The following STK32B variants were observed in gnomAD, a reference collection of about 807,000 sequenced individuals.
STK32B encodes the protein serine/threonine kinase 32B, also known as serine/threonine-protein kinase 32B.
In STK32B, 43 loss-of-function variants were observed where a neutral mutation model predicts 52.6. That is an observed-to-expected ratio of 0.82 (90% CI 0.64 to 1.05). The LOEUF is 1.05. Ranked by LOEUF, STK32B falls within the 50% of genes least tolerant of loss-of-function variation. The pLI is 0.00. For synonymous variants in STK32B, 238 were observed against 204.3 expected, an observed-to-expected ratio of 1.17 and a Z score of -1.41; for missense variants, 621 against 534.6, an observed-to-expected ratio of 1.16 and a Z score of -1.59.
Position 5,312,513 on chromosome 4 carries a change from C to T in STK32B, c.261-18707C>T, listed in dbSNP as rs565776514. On this transcript the variant is annotated intron_variant, in intron 3 of 11. Coordinates refer to ENST00000282908, the MANE Select transcript of STK32B (RefSeq NM_018401.3). The stretch of plus-strand genomic sequence containing the variant: ...CCATGTGTTCTCATTGTTCAATTCC[C>T]ACCTGTGAGTGAGAACATGCGTGTT... Among the ~76,000 whole-genome samples, 21 of 151,716 alleles carry T rather than the reference C, an allele frequency of 1.4e-4. 1 individual carries two copies. The highest frequency in any genetic ancestry group is 4.1e-4 in the African/African-American group (17 of 41,394).
At chr4:5,410,182 G>C (rs1220494096) in intron 5 of STK32B, among the ~76,000 whole-genome samples, 1 of 152,196 alleles carries the variant, frequency 6.6e-6, no homozygotes, top group African/African-American at 2.4e-5. Flanking sequence ...AGAGAGCCAG[G>C]GTTGCTGGAA....
intron 3 of STK32B, among the ~76,000 whole-genome samples, chr4:5,317,283 TA>T (rs1731100305): frequency 7.8e-5 from 4 of 51,600 alleles, no homozygotes; most frequent in Non-Finnish European, 1.2e-4. Flanking sequence ...ATATAACATA[TA>T]ACATATATAT....
chr4:5,219,382 C>T (rs1013882375), intron 3 of STK32B, among the ~76,000 whole-genome samples: 7 of 152,256 alleles, frequency 4.6e-5, no homozygotes, highest in East Asian at 1.9e-4. Context: ...ACATTTTTTT[C>T]GGGTTATCAG....
intron 9 of STK32B, among the ~76,000 whole-genome samples, chr4:5,463,579 A>G (rs1560436822): frequency 6.6e-6 from 1 of 152,020 alleles, no homozygotes; most frequent in East Asian, 1.9e-4. Flanking sequence ...TACTCATCCT[A>G]CACAAGCACA....
At chr4:5,224,419 T>C (rs746215536) in intron 3 of STK32B, among the ~76,000 whole-genome samples, 2 of 152,214 alleles carry the variant, frequency 1.3e-5, no homozygotes, top group African/African-American at 2.4e-5. Context: ...AAGCTGGAAT[T>C]GCTTCTGGAG....
rs145580976 is a variant in STK32B, at chr4:5,399,946, GA to G, written c.472+1705del. Among the ~76,000 whole-genome samples, 1,706 of 152,290 alleles carry G rather than the reference GA, an allele frequency of 0.011. 33 individuals carry two copies. The highest frequency in any genetic ancestry group is 0.038 in the African/African-American group (1,579 of 41,548). ...GAGGCTGGTTCTGCTTAGCTGTCTG[GA>G]AAGCAGGGGTCTGGAAGGCTGGGTT... On this transcript the variant is annotated intron_variant, in intron 5 of 11. Transcript: ENST00000282908. The surrounding 1 kb of genome is among the most constrained non-coding windows in gnomAD (Gnocchi z 5.4).
At chr4:5,203,519 C>G (rs1053228465) in intron 3 of STK32B, among the ~76,000 whole-genome samples, 1 of 152,072 alleles carries the variant, frequency 6.6e-6, no homozygotes, top group African/African-American at 2.4e-5. Context: ...CCTTGTAGTG[C>G]TGAGCACTGC....
At chr4:5,090,522 C>T (rs1713018074) in intron 1 of STK32B, among the ~76,000 whole-genome samples, 1 of 151,810 alleles carries the variant, frequency 6.6e-6, no homozygotes, top group Non-Finnish European at 1.5e-5. Context: ...ACTACAGGTG[C>T]CTGACTAATT....
intron 2 of STK32B, among the ~76,000 whole-genome samples, chr4:5,142,039 C>G (rs1716502395): frequency 6.6e-6 from 1 of 152,198 alleles, no homozygotes; most frequent in Non-Finnish European, 1.5e-5. Context: ...CATCTTCCAT[C>G]TTCAGCCTGT....
At chr4:5,228,047 A>T (rs956138277) in intron 3 of STK32B, among the ~76,000 whole-genome samples, 7 of 152,186 alleles carry the variant, frequency 4.6e-5, no homozygotes, top group African/African-American at 1.7e-4. Context: ...TATTCTTGGA[A>T]TATTCATGAA....
chr4:5,411,004 T>C (rs887653830), intron 5 of STK32B, among the ~76,000 whole-genome samples: 1 of 151,240 alleles, frequency 6.6e-6, no homozygotes, highest in Non-Finnish European at 1.5e-5. Context: ...TTTCATGAGG[T>C]GAATAATCCA....
intron 1 of STK32B, among the ~76,000 whole-genome samples, chr4:5,095,110 C>G (rs1168936185): frequency 6.6e-6 from 1 of 152,044 alleles, no homozygotes; most frequent in Admixed American, 6.5e-5. Flanking sequence ...AGCTACAGCT[C>G]TGACTGGGAG....
intron 3 of STK32B, among the ~76,000 whole-genome samples, chr4:5,179,751 C>A (rs928556011): frequency 6.6e-6 from 1 of 152,338 alleles, no homozygotes; most frequent in African/African-American, 2.4e-5. Flanking sequence ...CCTAAACTTG[C>A]TTAAGCACAA....
At chr4:5,252,614 C>T (rs1382576238) in intron 3 of STK32B, among the ~76,000 whole-genome samples, 1 of 152,128 alleles carries the variant, frequency 6.6e-6, no homozygotes, top group Non-Finnish European at 1.5e-5. Flanking sequence ...TTAGCCATCC[C>T]CTCTACTCTA....
chr4:5,181,765 TC>T, intron 3 of STK32B, among the ~76,000 whole-genome samples: 1 of 152,262 alleles, frequency 6.6e-6, no homozygotes, highest in East Asian at 1.9e-4. Flanking sequence ...ATCTGAGTCT[TC>T]AACAAGTTTT....
rs534954442 is a variant in STK32B, at chr4:5,340,356, G to A, written c.434+8963G>A. On this transcript the variant is annotated intron_variant, in intron 4 of 11. Coordinates refer to ENST00000282908, the MANE Select transcript of STK32B (RefSeq NM_018401.3). ...GGCAAGTAAGGCTTCCTCTGCCACA[G>A]TCGGTCTGTGATTTGTAGGATAATT... Among the ~76,000 whole-genome samples, 35 of 152,324 alleles carry A rather than the reference G, an allele frequency of 2.3e-4. 1 individual carries two copies. The South Asian group carries it at 6.4e-3, about 28-fold the overall frequency.
At chr4:5,059,604 T>A (rs1168399190) in intron 1 of STK32B, among the ~76,000 whole-genome samples, 1 of 152,254 alleles carries the variant, frequency 6.6e-6, no homozygotes, top group Non-Finnish European at 1.5e-5. Context: ...TTTGCCAACG[T>A]TTTGTTTATA....
intron 3 of STK32B, among the ~76,000 whole-genome samples, chr4:5,194,011 T>A (rs983636908): frequency 1.3e-5 from 2 of 152,220 alleles, no homozygotes; most frequent in Non-Finnish European, 2.9e-5. Context: ...ATCTGAGCAT[T>A]CTTAAAGAGG....
chr4:5,317,032 TATA>T (rs1347480071), intron 3 of STK32B, among the ~76,000 whole-genome samples: 2 of 39,402 alleles, frequency 5.1e-5, no homozygotes, highest in East Asian at 1.3e-3. Context: ...ATATATATGA[TATA>T]ATATATTATA....
Sources: allele counts gnomAD v4.1 joint callset (sites outside exome capture counted in the v4.1 genomes callset), GRCh38; gene constraint gnomAD v4.1.1; non-coding constraint Gnocchi (gnomAD v3.1); transcripts MANE v1.5; gene names NCBI Gene and HGNC (gene_info 2026-07-23, HGNC 2026-07-21).